The following MYO16 variants were observed in gnomAD, a reference collection of about 807,000 sequenced individuals.
MYO16 encodes the protein myosin XVI, also known as unconventional myosin-XVI.
Under a neutral mutation model 205.3 loss-of-function variants are expected in MYO16, and 94 were observed. That is an observed-to-expected ratio of 0.46 (90% CI 0.39 to 0.54). MYO16 has a LOEUF of 0.54. MYO16 is among the 20% of genes least tolerant of loss of function. The probability of loss-of-function intolerance (pLI) is 0.00; values close to 1 mark genes in which losing one functional copy is unlikely to be tolerated. For synonymous variants in MYO16, 988 were observed against 954.0 expected (o/e 1.04, Z -0.66); for missense variants, 2,315 against 2,387.5 (o/e 0.97, Z 0.63).
chr13:108,534,058 G>A, the MYO16 span, among the ~76,000 whole-genome samples: 232 of 152,172 alleles, frequency 1.5e-3, no homozygotes, highest in Non-Finnish European at 2.6e-3. Flanking sequence ...TAATCATTAC[G>A]CAAGAATTGA....
At chr13:108,625,389 G>T (rs533742096), upstream of MYO16, among the ~76,000 whole-genome samples, 13 of 152,294 alleles carry the variant, frequency 8.5e-5, no homozygotes, top group Non-Finnish European at 1.8e-4. Flanking sequence ...GGCACCAGGG[G>T]TTGACCAGAG....
chr13:108,840,402 G>C (rs1877182372), intron 9 of MYO16, among the ~76,000 whole-genome samples: 1 of 152,154 alleles, frequency 6.6e-6, no homozygotes, highest in Non-Finnish European at 1.5e-5. Context: ...AAAGTGGTGA[G>C]ACTGTGGTGG....
At chr13:108,808,866 A>G (rs950948047) in intron 7 of MYO16, among the ~76,000 whole-genome samples, 1 of 152,190 alleles carries the variant, frequency 6.6e-6, no homozygotes, top group Non-Finnish European at 1.5e-5. Flanking sequence ...GAGGAAACAT[A>G]AGCCCAATCT....
Position 109,140,654 on chromosome 13 carries a change from T to A in MYO16, c.4442T>A (p.Leu1481Gln), listed in dbSNP as rs1348196495. ...CTGCTCCACGGCGCATCGCCGCCCCTGCTCCACCGCGCGCCGGAGGACGAG... is the reference window on the plus strand; with the variant it reads ...CTGCTCCACGGCGCATCGCCGCCCCAGCTCCACCGCGCGCCGGAGGACGAG... Reference protein sequence around the residue: ...SFLLHGASPPLLHRAPEDEAA... With the variant: ...SFLLHGASPPQLHRAPEDEAA... Residue 1481 changes from leucine to glutamine, a missense_variant, in exon 32 of 35, where the codon CTG becomes CAG. This residue lies in a region of MYO16 where 1,097 missense variants were observed against 1,092.0 expected (regional missense o/e 1.00). Transcript: ENST00000457511. The surrounding 1 kb of genome is among the most constrained non-coding windows in gnomAD (Gnocchi z 8.0). 3.3e-6 allele frequency: 5 copies of A among 1,499,090 alleles called. No homozygotes were observed. The highest frequency in any genetic ancestry group is 2.9e-5 in the African/African-American group (2 of 68,440). The allele number at this position is 1,499,090 out of a possible 1,614,324, so 92.9% of individuals were successfully genotyped here. A position where few individuals can be genotyped will look rare whatever the true frequency, so the allele number is the denominator to read the frequency against.
chr13:108,883,898 T>A (rs1232432892), intron 13 of MYO16, among the ~76,000 whole-genome samples: 1 of 152,240 alleles, frequency 6.6e-6, no homozygotes, highest in African/African-American at 2.4e-5. Flanking sequence ...GTGCTGGGAT[T>A]ACAGACATGG....
At chr13:108,616,933 G>T (rs917801213) in intron 1 of MYO16, among the ~76,000 whole-genome samples, 3 of 152,026 alleles carry the variant, frequency 2.0e-5, no homozygotes, top group Non-Finnish European at 4.4e-5. Context: ...CCTGCGAATG[G>T]CTCCTTCCCC....
intron 1 of MYO16, 60 bp from the exon 2 acceptor site, chr13:108,665,826 T>TTATAATAATA: frequency 6.6e-7 from 1 of 1,514,590 alleles, no homozygotes; most frequent in South Asian, 1.2e-5. Context: ...TGTGCTGTGG[T>TTATAATAATA]GCACACTTAT....
intron 9 of MYO16, among the ~76,000 whole-genome samples, chr13:108,832,144 ATT>A (rs10635580): frequency 7.4e-6 from 1 of 134,598 alleles, no homozygotes; most frequent in Non-Finnish European, 1.5e-5. Flanking sequence ...TTCCGTATGG[ATT>A]TTTTTTTTTT....
At chr13:109,144,573 G>C (rs185111100) in intron 32 of MYO16, among the ~76,000 whole-genome samples, 93 of 152,220 alleles carry the variant, frequency 6.1e-4, no homozygotes, top group African/African-American at 2.1e-3. Context: ...TTTCTTTCAA[G>C]TTTTAAATCT....
chr13:108,774,077 C>T (rs926099058), intron 4 of MYO16, among the ~76,000 whole-genome samples: 8 of 151,464 alleles, frequency 5.3e-5, no homozygotes, highest in East Asian at 1.9e-4. Flanking sequence ...AGTGACAGAG[C>T]GAGACTCTGT....
chr13:108,630,085 C>A, intron 1 of MYO16, among the ~76,000 whole-genome samples: 1 of 149,600 alleles, frequency 6.7e-6, no homozygotes, highest in African/African-American at 2.5e-5. Context: ...GCTAATAGCA[C>A]AGAGATCTTT....
chr13:108,587,235 G>A, the MYO16 span, among the ~76,000 whole-genome samples: 1 of 152,224 alleles, frequency 6.6e-6, no homozygotes, highest in Non-Finnish European at 1.5e-5. Flanking sequence ...CCATGACTGT[G>A]AGGAGTCTGG....
intron 16 of MYO16, among the ~76,000 whole-genome samples, chr13:108,913,823 C>G (rs988640041): frequency 6.6e-5 from 10 of 152,308 alleles, no homozygotes; most frequent in African/African-American, 2.4e-4. Flanking sequence ...ATAGCTGAGT[C>G]TTGGCCAATC....
At chr13:108,970,937 G>T (rs1269462846) in intron 20 of MYO16, among the ~76,000 whole-genome samples, 1 of 152,140 alleles carries the variant, frequency 6.6e-6, no homozygotes, top group Admixed American at 6.5e-5. Context: ...ACACACTCCA[G>T]TTGCTCACTT....
intron 1 of MYO16, among the ~76,000 whole-genome samples, chr13:108,665,386 A>AC (rs1446194770): frequency 6.6e-6 from 1 of 152,202 alleles, no homozygotes; most frequent in Non-Finnish European, 1.5e-5. Context: ...CACTGGGATT[A>AC]CAGGCTTCAG....
At chr13:108,919,730 A>C (rs958042885) in intron 16 of MYO16, among the ~76,000 whole-genome samples, 2 of 152,230 alleles carry the variant, frequency 1.3e-5, no homozygotes, top group African/African-American at 4.8e-5. Flanking sequence ...TGAGTAAATA[A>C]AATTATGAAT....
At chr13:109,057,920 G>A (rs71440011) in intron 27 of MYO16, among the ~76,000 whole-genome samples, 3 of 152,166 alleles carry the variant, frequency 2.0e-5, no homozygotes, top group Admixed American at 6.5e-5. Context: ...GGGCCTCAGA[G>A]GGTGATGAGC....
chr13:108,846,940 A>G (rs1409391916), intron 10 of MYO16, among the ~76,000 whole-genome samples: 4 of 152,154 alleles, frequency 2.6e-5, no homozygotes, highest in African/African-American at 7.2e-5. Flanking sequence ...GTACATTTCT[A>G]TTAATTTGCT....
At chr13:108,574,396 T>C in the MYO16 span, among the ~76,000 whole-genome samples, 1 of 152,176 alleles carries the variant, frequency 6.6e-6, no homozygotes, top group African/African-American at 2.4e-5. Context: ...ATAACTGTGG[T>C]ATCAAGAGTC....
Sources: gnomAD v4.1 joint callset for allele counts (sites outside exome capture counted in the v4.1 genomes callset) on GRCh38, gnomAD v4.1.1 for gene constraint, gnomAD v4.1.1 regional missense constraint, Gnocchi (gnomAD v3.1) non-coding constraint, MANE v1.5 for transcripts, NCBI Gene and HGNC (gene_info 2026-07-23, HGNC 2026-07-21) for gene names.